The following CSMD1 variants were observed in gnomAD, a reference collection of about 807,000 sequenced individuals.
CSMD1 encodes the protein CUB and Sushi multiple domains 1, also known as CUB and sushi domain-containing protein 1.
CSMD1 carries 213 observed loss-of-function variants against 417.5 expected under a neutral mutation model. The observed-to-expected ratio is 0.51, with a 90% CI of 0.46 to 0.57. The LOEUF is 0.57. Ranked by LOEUF, CSMD1 falls within the 20% of genes least tolerant of loss-of-function variation. The pLI is 0.00. For missense variants in CSMD1, 6,923 were observed against 4,529.7 expected (o/e 1.53, Z -15.17); for synonymous variants, 2,862 against 1,736.8 (o/e 1.65, Z -16.11).
intron 4 of CSMD1, among the ~76,000 whole-genome samples, chr8:4,031,382 G>C (rs1054417024): frequency 2.6e-5 from 4 of 152,188 alleles, no homozygotes; most frequent in Admixed American, 2.0e-4. Flanking sequence ...CATGGCAGCA[G>C]GCAAAGAGAG....
intron 5 of CSMD1, among the ~76,000 whole-genome samples, chr8:3,957,235 G>C (rs1004582554): frequency 4.6e-5 from 7 of 152,224 alleles, no homozygotes; most frequent in African/African-American, 1.7e-4. Context: ...TAGGAGCAAA[G>C]ACAGTCTTTG....
At chr8:4,334,912 C>T (rs1800082567) in intron 3 of CSMD1, among the ~76,000 whole-genome samples, 1 of 152,090 alleles carries the variant, frequency 6.6e-6, no homozygotes, top group Non-Finnish European at 1.5e-5. Context: ...TGAGGACCCA[C>T]TTTCTACCCC....
intron 6 of CSMD1, among the ~76,000 whole-genome samples, chr8:3,729,759 G>C (rs1488677647): frequency 1.3e-5 from 2 of 151,826 alleles, no homozygotes; most frequent in Non-Finnish European, 2.9e-5. Flanking sequence ...TCACCACAAA[G>C]ACATAATTAT....
At chr8:3,721,382 G>A (rs1039933852) in intron 6 of CSMD1, among the ~76,000 whole-genome samples, 2 of 152,068 alleles carry the variant, frequency 1.3e-5, no homozygotes, top group Non-Finnish European at 2.9e-5. Flanking sequence ...AACGTCTCTA[G>A]CCCAGGTTTT....
intron 15 of CSMD1, among the ~76,000 whole-genome samples, chr8:3,400,722 T>C (rs1047382759): frequency 2.0e-5 from 3 of 151,842 alleles, no homozygotes; most frequent in Non-Finnish European, 4.4e-5. Context: ...AAAAATTTTA[T>C]TCAGTGAACA....
intron 5 of CSMD1, among the ~76,000 whole-genome samples, chr8:3,869,869 T>A (rs1437079463): frequency 6.6e-6 from 1 of 151,874 alleles, no homozygotes; most frequent in East Asian, 1.9e-4. Flanking sequence ...TCCTTACTGA[T>A]CTAATTTTGT....
chr8:4,640,546 T>G (rs1803125031), intron 1 of CSMD1, among the ~76,000 whole-genome samples: 1 of 152,224 alleles, frequency 6.6e-6, no homozygotes, highest in African/African-American at 2.4e-5. Context: ...GGCCCTTGCC[T>G]ACTATAGAGT....
At chr8:4,606,631 G>T (rs1348435768) in intron 2 of CSMD1, among the ~76,000 whole-genome samples, 1 of 152,094 alleles carries the variant, frequency 6.6e-6, no homozygotes, top group African/African-American at 2.4e-5. Flanking sequence ...GACAAATATG[G>T]GCTTAAGATT....
intron 2 of CSMD1, among the ~76,000 whole-genome samples, chr8:4,584,638 A>T (rs929441342): frequency 1.3e-5 from 2 of 151,976 alleles, no homozygotes; most frequent in Non-Finnish European, 2.9e-5. Context: ...TCCCAACAAC[A>T]TGTTGGTTGA....
At chr8:4,076,633 T>A (rs1302591817) in intron 3 of CSMD1, among the ~76,000 whole-genome samples, 1 of 152,198 alleles carries the variant, frequency 6.6e-6, no homozygotes, top group African/African-American at 2.4e-5. Flanking sequence ...TTACCTTTAT[T>A]ATAAGGATTA....
intron 3 of CSMD1, among the ~76,000 whole-genome samples, chr8:4,136,192 C>A (rs1253529692): frequency 6.6e-6 from 1 of 152,160 alleles, no homozygotes; most frequent in Non-Finnish European, 1.5e-5. Flanking sequence ...AAAAGAACAG[C>A]TATGTGAACA....
At chr8:4,402,808 T>C (rs1563136643) in intron 3 of CSMD1, among the ~76,000 whole-genome samples, 5 of 66,996 alleles carry the variant, frequency 7.5e-5, no homozygotes, top group African/African-American at 2.0e-4. Flanking sequence ...TTCTTTTTTT[T>C]TTTTTTTTTT....
chr8:4,620,059 T>C (rs1465990400), intron 2 of CSMD1, among the ~76,000 whole-genome samples: 2 of 152,022 alleles, frequency 1.3e-5, no homozygotes, highest in Non-Finnish European at 2.9e-5. Context: ...GAATGAAATA[T>C]TTATTAACAC....
chr8:3,268,975 C>T (rs370187461), intron 26 of CSMD1, among the ~76,000 whole-genome samples: 35 of 152,212 alleles, frequency 2.3e-4, no homozygotes, highest in Middle Eastern at 3.4e-3. Flanking sequence ...AGTATTAAAC[C>T]TCCATCCTCA....
intron 3 of CSMD1, among the ~76,000 whole-genome samples, chr8:4,134,698 G>A (rs1803311837): frequency 1.3e-5 from 2 of 152,040 alleles, no homozygotes; most frequent in Admixed American, 1.3e-4. Context: ...TGATTTCTGT[G>A]AACCACACCA....
At chr8:4,631,337 G>C (rs930783974) in intron 2 of CSMD1, among the ~76,000 whole-genome samples, 23 of 152,174 alleles carry the variant, frequency 1.5e-4, no homozygotes, top group African/African-American at 5.5e-4. Flanking sequence ...GCTCCAGCCT[G>C]GGAGACAGGG....
intron 5 of CSMD1, among the ~76,000 whole-genome samples, chr8:3,778,749 A>G (rs922880059): frequency 7.9e-5 from 12 of 152,202 alleles, no homozygotes; most frequent in African/African-American, 2.9e-4. Context: ...AAATCAGGTT[A>G]CAAATAATTG....
At chr8:4,012,498 G>A (rs942903289) in intron 4 of CSMD1, among the ~76,000 whole-genome samples, 1 of 152,090 alleles carries the variant, frequency 6.6e-6, no homozygotes, top group Non-Finnish European at 1.5e-5. Flanking sequence ...TGTGTTTCGA[G>A]GTGTGGTGTA....
At chr8:3,826,219 T>A (rs1802045982) in intron 5 of CSMD1, among the ~76,000 whole-genome samples, 2 of 152,078 alleles carry the variant, frequency 1.3e-5, no homozygotes, top group South Asian at 2.1e-4. Context: ...TGGACACAGT[T>A]GCTAGAAAGA....
Sources: gnomAD v4.1 joint callset for allele counts (sites outside exome capture counted in the v4.1 genomes callset) on GRCh38, gnomAD v4.1.1 for gene constraint, MANE v1.5 for transcripts, NCBI Gene and HGNC (gene_info 2026-07-23, HGNC 2026-07-21) for gene names.